Variants in RIMS2 observed in about 807,000 individuals in gnomAD.
The protein encoded by RIMS2 is regulating synaptic membrane exocytosis 2, also known as regulating synaptic membrane exocytosis protein 2.
Under a neutral mutation model 174.4 loss-of-function variants are expected in RIMS2, and 59 were observed. That is an observed-to-expected ratio of 0.34 (90% confidence interval 0.27 to 0.42). RIMS2 has a LOEUF of 0.42. RIMS2 is among the 10% of genes least tolerant of loss of function. The pLI, the probability that RIMS2 is intolerant of heterozygous loss-of-function variation, is 1.00. For missense variants in RIMS2, 1,620 were observed against 1,666.3 expected (o/e 0.97, Z 0.48); for synonymous variants, 606 against 572.5 (o/e 1.06, Z -0.84).
At chr8:103,695,863 C>T (rs1270718046) in intron 1 of RIMS2, among the ~76,000 whole-genome samples, 1 of 151,848 alleles carries the variant, frequency 6.6e-6, no homozygotes, top group African/African-American at 2.4e-5. Flanking sequence ...TTTCTTTGGC[C>T]ACTTTCAAAG....
At chr8:103,580,308 A>G (rs1277536890) in intron 1 of RIMS2, among the ~76,000 whole-genome samples, 1 of 152,076 alleles carries the variant, frequency 6.6e-6, no homozygotes, top group African/African-American at 2.4e-5. Flanking sequence ...ACCTGTAAAG[A>G]TACACATAGA....
chr8:104,193,308 T>G (rs1268094499), intron 19 of RIMS2, among the ~76,000 whole-genome samples: 2 of 152,200 alleles, frequency 1.3e-5, no homozygotes, highest in African/African-American at 4.8e-5. Flanking sequence ...TATTTCTAAT[T>G]GTTGCATTGT....
At chr8:103,766,898 G>A (rs1401937291) in intron 3 of RIMS2, among the ~76,000 whole-genome samples, 1 of 152,202 alleles carries the variant, frequency 6.6e-6, no homozygotes, top group East Asian at 1.9e-4. Flanking sequence ...GGACTAGTTG[G>A]AAGTGGGAGT....
chr8:104,142,110 A>G (rs1263042271), intron 19 of RIMS2, among the ~76,000 whole-genome samples: 1 of 148,448 alleles, frequency 6.7e-6, no homozygotes, highest in African/African-American at 2.5e-5. Flanking sequence ...ATTTCAAAGT[A>G]AATATCTTCC....
rs547280585 is a variant in RIMS2 at position 103,573,247 on chromosome 8, A to G, written c.176+72185A>G. ...ATTTTTGTATTTTTTTTTTTTCAGTAGAGATGAGGTTTCACTATGTTGGCC... is the reference window on the plus strand; with the variant it reads ...ATTTTTGTATTTTTTTTTTTTCAGTGGAGATGAGGTTTCACTATGTTGGCC... On this transcript the variant is annotated intron_variant, in intron 1 of 23. Transcript: ENST00000504942. 6.6e-5 allele frequency among the ~76,000 whole-genome samples: 10 copies of G among 151,138 alleles called. No homozygotes were observed. The East Asian group carries it at 9.7e-4, about 15-fold the overall frequency.
intron 1 of RIMS2, among the ~76,000 whole-genome samples, chr8:103,677,919 G>T (rs540026359): frequency 6.6e-6 from 1 of 152,270 alleles, no homozygotes; most frequent in South Asian, 2.1e-4. Context: ...ATGTATGTGT[G>T]TATGCATTTA....
intron 17 of RIMS2, among the ~76,000 whole-genome samples, chr8:104,005,178 C>G (rs1438688974): frequency 6.6e-6 from 1 of 152,146 alleles, no homozygotes; most frequent in African/African-American, 2.4e-5. Flanking sequence ...TAGTCAATCC[C>G]TAAAATTACC....
intron 19 of RIMS2, among the ~76,000 whole-genome samples, chr8:104,145,298 AATCT>A (rs2098625781): frequency 6.6e-6 from 1 of 152,060 alleles, no homozygotes; most frequent in African/African-American, 2.4e-5. Flanking sequence ...GCTCTTTAGA[AATCT>A]ATCACTGAGA....
chr8:103,879,719 G>T (rs1009320167), intron 3 of RIMS2, among the ~76,000 whole-genome samples: 1 of 151,510 alleles, frequency 6.6e-6, no homozygotes, highest in Admixed American at 6.6e-5. Flanking sequence ...CTGTTTGTGA[G>T]ATCTAAAAAC....
intron 1 of RIMS2, among the ~76,000 whole-genome samples, chr8:103,583,803 T>G (rs2093750714): frequency 6.6e-6 from 1 of 152,182 alleles, no homozygotes; most frequent in Non-Finnish European, 1.5e-5. Flanking sequence ...AGGGCAAGTG[T>G]AAGTGTTATT....
intron 1 of RIMS2, among the ~76,000 whole-genome samples, chr8:103,645,375 G>C (rs1282632748): frequency 6.6e-6 from 1 of 151,968 alleles, no homozygotes; most frequent in Non-Finnish European, 1.5e-5. Context: ...AATTATATTT[G>C]TTATTGTGAC....
chr8:104,232,328 A>G (rs2099234993), intron 19 of RIMS2, among the ~76,000 whole-genome samples: 1 of 152,214 alleles, frequency 6.6e-6, no homozygotes, highest in African/African-American at 2.4e-5. Flanking sequence ...TCTTTGTGCT[A>G]CACATAGAAG....
chr8:103,829,763 C>T (rs1052089331), intron 3 of RIMS2, among the ~76,000 whole-genome samples: 1 of 152,058 alleles, frequency 6.6e-6, no homozygotes, highest in Non-Finnish European at 1.5e-5. Context: ...GTACTATGCT[C>T]ATTACATGGG....
exon 16 of RIMS2, chr8:103,975,390 A>G (rs199696831): frequency 5.6e-6 from 9 of 1,613,046 alleles, no homozygotes; most frequent in East Asian, 2.2e-5. Flanking sequence ...GCTCAACATT[A>G]TCAGTGCCAG....
At chr8:104,223,514 C>T in intron 19 of RIMS2, 1 of 1,404,182 alleles carries the variant, frequency 7.1e-7, no homozygotes, top group African/African-American at 1.5e-5. Flanking sequence ...GTCAGGGAGG[C>T]AGGGGCCAGA....
intron 1 of RIMS2, among the ~76,000 whole-genome samples, chr8:103,651,600 T>G (rs1160483604): frequency 1.3e-5 from 2 of 152,216 alleles, no homozygotes; most frequent in Non-Finnish European, 2.9e-5. Flanking sequence ...ACTATTTATT[T>G]AAATTCATTT....
intron 4 of RIMS2, among the ~76,000 whole-genome samples, chr8:103,891,166 T>A (rs1359712872): frequency 2.0e-5 from 3 of 152,058 alleles, no homozygotes; most frequent in Non-Finnish European, 4.4e-5. Flanking sequence ...ATCATTTTTT[T>A]AAAAAGAGTA....
chr8:104,135,550 G>T (rs1480224788), intron 19 of RIMS2, among the ~76,000 whole-genome samples: 1 of 146,648 alleles, frequency 6.8e-6, no homozygotes, highest in Non-Finnish European at 1.5e-5. Flanking sequence ...AGGTTACAAT[G>T]AGTTGTGATC....
intron 19 of RIMS2, among the ~76,000 whole-genome samples, chr8:104,222,963 C>G (rs1432390855): frequency 6.6e-6 from 1 of 152,072 alleles, no homozygotes; most frequent in Non-Finnish European, 1.5e-5. Context: ...TTTCGTGGAA[C>G]TTGGTAAAAA....
Sources: allele counts gnomAD v4.1 joint callset (sites outside exome capture counted in the v4.1 genomes callset), GRCh38; gene constraint gnomAD v4.1.1; transcripts MANE v1.5; gene names NCBI Gene and HGNC (gene_info 2026-07-23, HGNC 2026-07-21).